The following OTUD7A variants were observed in gnomAD, a reference collection of about 807,000 sequenced individuals.
The protein encoded by OTUD7A is OTU deubiquitinase 7A.
OTUD7A carries 12 observed loss-of-function variants against 65.7 expected under a neutral mutation model. The observed-to-expected ratio is 0.18, with a 90% CI of 0.12 to 0.30. OTUD7A has a LOEUF of 0.30. Ranked by LOEUF, OTUD7A falls within the 10% of genes least tolerant of loss-of-function variation. OTUD7A has a pLI of 1.00. For missense variants in OTUD7A, 1,148 were observed against 1,304.8 expected (o/e 0.88, Z 1.85); for synonymous variants, 641 against 586.3 (o/e 1.09, Z -1.35).
intron 1 of OTUD7A, among the ~76,000 whole-genome samples, chr15:31,707,937 T>A (rs1172899488): frequency 2.0e-5 from 3 of 152,098 alleles, no homozygotes; most frequent in South Asian, 4.1e-4. Context: ...AACATAAATA[T>A]AATATATACA....
intron 1 of OTUD7A, among the ~76,000 whole-genome samples, chr15:31,858,044 C>T (rs1487264679): frequency 3.3e-5 from 5 of 152,172 alleles, no homozygotes; most frequent in African/African-American, 7.2e-5. Context: ...ATCACTGTGT[C>T]GTGGCACTGT....
At position 31,640,414 on chromosome 15, in the gene OTUD7A, AT is replaced by A. The variant is rs560870424; in HGVS notation, c.151+14681del. Among the ~76,000 whole-genome samples the A allele has an allele frequency of 3.6e-3, 553 of 152,312 alleles. 3 individuals are homozygous for A. Among genetic ancestry groups the A allele is most frequent in the African/African-American group, 0.013 (540 of 41,570 alleles). On this transcript the variant is annotated intron_variant, in intron 3 of 12. Transcript: ENST00000307050. ...CAATAACCTACGGAAATAAAAAAAA[AT>A]AATAAAAATAAAATAAAAAGATTTT...
intron 3 of OTUD7A, among the ~76,000 whole-genome samples, chr15:31,629,851 T>A (rs1258319661): frequency 6.6e-6 from 1 of 152,236 alleles, no homozygotes; most frequent in Non-Finnish European, 1.5e-5. Context: ...ATTTATCCAT[T>A]TCTTCTAGAT....
At chr15:31,725,286 G>A (rs111892531) in intron 1 of OTUD7A, among the ~76,000 whole-genome samples, 5 of 152,288 alleles carry the variant, frequency 3.3e-5, no homozygotes, top group African/African-American at 1.2e-4. Flanking sequence ...GAATTTCAGG[G>A]TTTCTATGGC....
chr15:31,662,073 T>G (rs1338650861), intron 1 of OTUD7A, among the ~76,000 whole-genome samples: 1 of 152,240 alleles, frequency 6.6e-6, no homozygotes, highest in Non-Finnish European at 1.5e-5. Flanking sequence ...GGGCACACTT[T>G]GGTGCTGTCT....
At chr15:31,499,190 T>C (rs2041428125) in intron 10 of OTUD7A, among the ~76,000 whole-genome samples, 1 of 152,204 alleles carries the variant, frequency 6.6e-6, no homozygotes, top group Non-Finnish European at 1.5e-5. Context: ...ATACATTTTT[T>C]ATCTCATTTC....
intron 10 of OTUD7A, among the ~76,000 whole-genome samples, chr15:31,492,629 CA>C (rs1403832492): frequency 6.7e-6 from 1 of 149,634 alleles, no homozygotes. Context: ...ATGTTTATTG[CA>C]AACCCTAGGG....
At chr15:31,782,926 G>A (rs565258192) in intron 1 of OTUD7A, among the ~76,000 whole-genome samples, 10 of 152,296 alleles carry the variant, frequency 6.6e-5, no homozygotes, top group Non-Finnish European at 1.2e-4. Context: ...GTTCTGAGCT[G>A]GAGGTGTAGC....
intron 1 of OTUD7A, among the ~76,000 whole-genome samples, chr15:31,815,649 A>G (rs1896529060): frequency 6.6e-6 from 1 of 152,228 alleles, no homozygotes; most frequent in Non-Finnish European, 1.5e-5. Flanking sequence ...CATTCCGGAA[A>G]CAGGGCGCTA....
At chr15:31,659,095 ACTT>A (rs1357608665) in intron 1 of OTUD7A, among the ~76,000 whole-genome samples, 1 of 151,902 alleles carries the variant, frequency 6.6e-6, no homozygotes, top group African/African-American at 2.4e-5. Context: ...TAAAATTAAA[ACTT>A]CTGTTTCAAT....
rs1010007221 is a variant in OTUD7A at position 31,476,614 on chromosome 15, T to C, written c.*6680A>G. The C allele has an allele frequency of 3.3e-5, 5 of 152,214 alleles. No homozygotes were observed. The highest frequency in any genetic ancestry group is 2.1e-4 in the South Asian group (1 of 4,834). The allele number at this position is 152,214 out of a possible 1,614,324, so 9.4% of individuals were successfully genotyped here. Reference sequence around the variant, plus strand: ...GGCAATTCAAGCACAGGAATGCACATGTGTGGGCCCACTCACTGCTGGCTG... The same window carrying C: ...GGCAATTCAAGCACAGGAATGCACACGTGTGGGCCCACTCACTGCTGGCTG... On this transcript the variant is annotated 3_prime_UTR_variant, in exon 13 of 13. Coordinates refer to ENST00000307050, the MANE Select transcript of OTUD7A (RefSeq NM_001382637.1).
intron 3 of OTUD7A, among the ~76,000 whole-genome samples, chr15:31,617,494 GAAAA>G (rs1281812657): frequency 6.6e-6 from 1 of 151,132 alleles, no homozygotes; most frequent in Non-Finnish European, 1.5e-5. Flanking sequence ...AAAAAAAAAA[GAAAA>G]AAAGATAACT....
At chr15:31,741,465 C>A (rs1325953540) in intron 1 of OTUD7A, among the ~76,000 whole-genome samples, 4 of 152,160 alleles carry the variant, frequency 2.6e-5, no homozygotes, top group Non-Finnish European at 5.9e-5. Context: ...GTGATGAATA[C>A]ATGGATATTC....
intron 1 of OTUD7A, among the ~76,000 whole-genome samples, chr15:31,812,382 T>C (rs1044505489): frequency 1.3e-5 from 2 of 152,170 alleles, no homozygotes; most frequent in East Asian, 1.9e-4. Context: ...CTGAGGTAAT[T>C]TGAATGTGAA....
chr15:31,773,020 A>C (rs1007778760), intron 1 of OTUD7A, among the ~76,000 whole-genome samples: 61 of 152,254 alleles, frequency 4.0e-4, no homozygotes, highest in African/African-American at 1.5e-3. Context: ...TACCTGGCTA[A>C]TATAATTACA....
chr15:31,478,052 C>G lies in OTUD7A; in HGVS notation c.*5242G>C, dbSNP rs2041050835. On this transcript the variant is annotated 3_prime_UTR_variant, in exon 13 of 13. Transcript: ENST00000307050. ...AATGGCATGTGCAAAGGCCCTGAGG[C>G]AGGAGGGTGCCTGTGACTAGAAACG... The G allele has an allele frequency of 6.6e-6, 1 of 152,262 alleles. No homozygotes were observed. 9.4% of individuals were successfully genotyped at this position (152,262 alleles called of 1,614,324 possible).
rs929389151 is a variant in OTUD7A, at chr15:31,791,891, C to T, written c.-100+78616G>A. ...GATTGCATCTCATCTCCATTTATGCCCTCCCCAAATGCACTCCCATGAAGG... is the reference window on the plus strand; with the variant it reads ...GATTGCATCTCATCTCCATTTATGCTCTCCCCAAATGCACTCCCATGAAGG... On this transcript the variant is annotated intron_variant, in intron 1 of 12. Transcript: ENST00000307050. Among the ~76,000 whole-genome samples the T allele has an allele frequency of 1.3e-4, 20 of 152,162 alleles. 1 individual carries two copies. The highest frequency in any genetic ancestry group is 1.3e-3 in the Admixed American group (20 of 15,286).
intron 5 of OTUD7A, among the ~76,000 whole-genome samples, chr15:31,551,941 T>G (rs914944860): frequency 6.6e-6 from 1 of 152,180 alleles, no homozygotes; most frequent in South Asian, 2.1e-4. Context: ...TTTGAGATGT[T>G]TGTCCCCTCC....
chr15:31,574,199 A>T (rs1889136429), intron 3 of OTUD7A, among the ~76,000 whole-genome samples: 1 of 152,346 alleles, frequency 6.6e-6, no homozygotes, highest in East Asian at 1.9e-4. Context: ...TAGTGGTTAA[A>T]AAAGTAACCA....
Sources: gnomAD v4.1 joint callset for allele counts (sites outside exome capture counted in the v4.1 genomes callset) on GRCh38, gnomAD v4.1.1 for gene constraint, MANE v1.5 for transcripts, NCBI Gene and HGNC (gene_info 2026-07-23, HGNC 2026-07-21) for gene names.